Variants in RELCH observed in about 807,000 individuals in gnomAD.
RELCH encodes RAB11-binding protein RELCH.
Under a neutral mutation model 150.3 loss-of-function variants are expected in RELCH, and 41 were observed. The observed-to-expected ratio is 0.27, with a 90% confidence interval of 0.21 to 0.35. The LOEUF is 0.35. Among genes scored for constraint, RELCH ranks in the 10% least tolerant of loss-of-function variants. RELCH has a pLI of 1.00. For missense variants in RELCH, 1,092 were observed against 1,467.8 expected, an observed-to-expected ratio of 0.74 and a Z score of 4.18; for synonymous variants, 478 against 531.8, an observed-to-expected ratio of 0.90 and a Z score of 1.39.
chr18:62,196,530 C>T (rs2039063005), intron 1 of RELCH, among the ~76,000 whole-genome samples: 1 of 152,130 alleles, frequency 6.6e-6, no homozygotes, highest in African/African-American at 2.4e-5. Flanking sequence ...GCGCCCGGCC[C>T]CATCACAACA....
chr18:62,203,413 C>T (rs531365618), intron 1 of RELCH, among the ~76,000 whole-genome samples: 4 of 152,040 alleles, frequency 2.6e-5, no homozygotes, highest in East Asian at 1.9e-4. Context: ...GCCGAGATTG[C>T]GCCACTGCAC....
At chr18:62,282,954 G>A (rs983190797) in intron 25 of RELCH, among the ~76,000 whole-genome samples, 10 of 152,218 alleles carry the variant, frequency 6.6e-5, no homozygotes, top group Middle Eastern at 3.4e-3. Flanking sequence ...CACCGCACCC[G>A]CCCTAGTGGA....
intron 1 of RELCH, among the ~76,000 whole-genome samples, chr18:62,204,586 A>G (rs923879000): frequency 6.6e-6 from 1 of 152,058 alleles, no homozygotes; most frequent in African/African-American, 2.4e-5. Context: ...TCAGCCTCCC[A>G]AAGCGCTCTG....
chr18:62,223,261 A>G (rs1212392712), intron 5 of RELCH, among the ~76,000 whole-genome samples: 3 of 151,306 alleles, frequency 2.0e-5, no homozygotes, highest in African/African-American at 7.3e-5. Context: ...AAGAGAGAAG[A>G]TACAAATAAC....
intron 27 of RELCH, among the ~76,000 whole-genome samples, chr18:62,293,616 A>G (rs890212352): frequency 2.0e-5 from 3 of 152,170 alleles, no homozygotes; most frequent in African/African-American, 7.2e-5. Context: ...GCTATATCCT[A>G]GCCAAATTGA....
At chr18:62,243,868 G>A (rs193066741) in intron 10 of RELCH, among the ~76,000 whole-genome samples, 2 of 152,152 alleles carry the variant, frequency 1.3e-5, no homozygotes, top group African/African-American at 4.8e-5. Context: ...AGAAATGGGT[G>A]TAGTCATTCT....
intron 9 of RELCH, among the ~76,000 whole-genome samples, 169 bp from the exon 10 acceptor site, chr18:62,232,163 T>TTGC (rs111655462): frequency 7.3e-5 from 11 of 151,392 alleles, no homozygotes; most frequent in African/African-American, 1.9e-4. Flanking sequence ...GTTGCTGTTG[T>TTGC]TGCTGCTGCT....
At chr18:62,223,442 A>G (rs927654119) in intron 5 of RELCH, among the ~76,000 whole-genome samples, 1 of 152,104 alleles carries the variant, frequency 6.6e-6, no homozygotes, top group African/African-American at 2.4e-5. Flanking sequence ...TAAAATTTGT[A>G]CTTAAAAATA....
rs141829377 is a variant in RELCH at position 62,216,452 on chromosome 18, A to G, written c.617-4585A>G. Among the ~76,000 whole-genome samples the G allele has an allele frequency of 2.6e-3, 399 of 152,204 alleles. 2 individuals carry two copies. Among genetic ancestry groups the G allele is most frequent in the African/African-American group, 9.0e-3 (374 of 41,570 alleles). ...TTACTGAATTACTTCTCTAGTTCAC[A>G]CCTTAACTCTGTTTTGAGATCTGGA... On this transcript the variant is annotated intron_variant, in intron 2 of 28. Coordinates refer to ENST00000644646, the MANE Select transcript of RELCH (RefSeq NM_001346231.2).
intron 19 of RELCH, among the ~76,000 whole-genome samples, chr18:62,267,638 A>G (rs1189676821): frequency 6.6e-6 from 1 of 151,652 alleles, no homozygotes; most frequent in African/African-American, 2.4e-5. Flanking sequence ...TTAAGCCTGA[A>G]GACATTGAAG....
At chr18:62,235,040 C>A (rs1487078938) in intron 10 of RELCH, 1 of 151,532 alleles carries the variant, frequency 6.6e-6, no homozygotes, top group East Asian at 1.9e-4. Flanking sequence ...ATATATATAT[C>A]TATATGTATA....
At chr18:62,229,397 A>G (rs1213986760) in intron 8 of RELCH, among the ~76,000 whole-genome samples, 1 of 152,018 alleles carries the variant, frequency 6.6e-6, no homozygotes, top group Non-Finnish European at 1.5e-5. Context: ...TCAGACTTAT[A>G]GGTTCCCATT....
Position 62,280,683 on chromosome 18 carries a change from A to G in RELCH, c.3088A>G (p.Ile1030Val). ...TGCCACAATTCCAGCCTTTGGCACT[A>G]TTATGGAAACAGTAATTCAAAGAGA... ...RIATIPAFGTIMETVIQRELL... is the reference protein window; with the variant it reads ...RIATIPAFGTVMETVIQRELL... Residue 1030 changes from isoleucine (I) to valine (V), a missense_variant, in exon 24 of 29, where the codon ATT becomes GTT. By Grantham distance (29) the Ile-to-Val change is conservative. Transcript: ENST00000644646. 1 of 1,610,478 alleles carries G rather than the reference A, an allele frequency of 6.2e-7. No individual in the cohort carries two copies. The highest frequency in any genetic ancestry group is 8.5e-7 in the Non-Finnish European group (1 of 1,176,810).
At chr18:62,200,629 T>C (rs2039368729) in intron 1 of RELCH, among the ~76,000 whole-genome samples, 1 of 151,954 alleles carries the variant, frequency 6.6e-6, no homozygotes, top group Non-Finnish European at 1.5e-5. Flanking sequence ...AGCCTTTCTA[T>C]TCTGGTGTAT....
chr18:62,221,020 T>A lies in RELCH; in HGVS notation c.617-17T>A. ...TGGTTGGATGCCTGTGTGTGTTTAT[T>A]CCAAATCCCTGTCCAGTCCTGGAGT... On this transcript the variant is annotated splice_polypyrimidine_tract_variant and intron_variant, in intron 2 of 28. Transcript: ENST00000644646. The A allele has an allele frequency of 6.2e-7, 1 of 1,607,868 alleles. No homozygotes were observed. Among genetic ancestry groups the A allele is most frequent in the Non-Finnish European group, 8.5e-7 (1 of 1,176,614 alleles).
chr18:62,246,059 G>T (rs143835367), intron 11 of RELCH: 65 of 152,146 alleles, frequency 4.3e-4, no homozygotes, highest in African/African-American at 1.3e-3. Flanking sequence ...CTTCAGTAAG[G>T]CAGATTTTTT....
At chr18:62,247,917 A>G (rs1274952691) in intron 11 of RELCH, among the ~76,000 whole-genome samples, 1 of 152,126 alleles carries the variant, frequency 6.6e-6, no homozygotes, top group African/African-American at 2.4e-5. Context: ...TGTTTGCCCA[A>G]ACTTTTGTGG....
intron 26 of RELCH, among the ~76,000 whole-genome samples, chr18:62,290,285 G>A (rs1328453032): frequency 1.3e-5 from 2 of 152,208 alleles, no homozygotes; most frequent in Non-Finnish European, 2.9e-5. Flanking sequence ...TGTAATCCCA[G>A]CACTTTGGGA....
chr18:62,240,961 G>A (rs993018696), intron 10 of RELCH, among the ~76,000 whole-genome samples: 1 of 152,074 alleles, frequency 6.6e-6, no homozygotes, highest in African/African-American at 2.4e-5. Context: ...TAAGCTGTAA[G>A]TCTGCCTTTC....
Sources: allele counts gnomAD v4.1 joint callset (sites outside exome capture counted in the v4.1 genomes callset), GRCh38; gene constraint gnomAD v4.1.1; transcripts MANE v1.5; gene names NCBI Gene and HGNC (gene_info 2026-07-23, HGNC 2026-07-21).